The following TUSC3 variants were observed in gnomAD, a reference collection of about 807,000 sequenced individuals.
TUSC3 encodes the protein dolichyl-diphosphooligosaccharide--protein glycosyltransferase subunit TUSC3.
Under a neutral mutation model 44.8 loss-of-function variants are expected in TUSC3, and 45 were observed. That is an observed-to-expected ratio of 1.00 (90% confidence interval 0.79 to 1.29). The LOEUF is 1.29. Among genes scored for constraint, TUSC3 ranks in the 50% most tolerant of loss-of-function variants. The probability of loss-of-function intolerance (pLI) is 0.00; values close to 1 mark genes in which losing one functional copy is unlikely to be tolerated. For missense variants in TUSC3, 519 were observed against 437.9 expected (o/e 1.19, Z -1.65); for synonymous variants, 212 against 152.9 (o/e 1.39, Z -2.85).
At chr8:15,790,687 T>G in the TUSC3 span, among the ~76,000 whole-genome samples, 1 of 152,140 alleles carries the variant, frequency 6.6e-6, no homozygotes, top group East Asian at 1.9e-4. Context: ...CGGTGCAATG[T>G]TTAGTGATAG....
At chr8:15,559,255 T>C (rs1253236002) in intron 1 of TUSC3, among the ~76,000 whole-genome samples, 4 of 141,938 alleles carry the variant, frequency 2.8e-5, no homozygotes, top group East Asian at 2.2e-4. Flanking sequence ...TTCATTTTGT[T>C]ATGTACCCAG....
Position 15,764,329 on chromosome 8 carries a change from T to C in TUSC3, c.*173T>C. The C allele has an allele frequency of 8.3e-7, 1 of 1,204,976 alleles. No homozygotes were observed. Among genetic ancestry groups the C allele is most frequent in the East Asian group, 2.5e-5 (1 of 40,290 alleles). The allele number at this position is 1,204,976 out of a possible 1,614,324, so 74.6% of individuals were successfully genotyped here. ...ATTGTGATCAGCTAGCTTATTCTTG[T>C]GTACTTTTTTTAAACTGTGGGTTTT... On this transcript the variant is annotated 3_prime_UTR_variant, in exon 11 of 11. Transcript: ENST00000503731.
chr8:15,779,388 AAAT>A, the TUSC3 span, among the ~76,000 whole-genome samples: 2 of 152,110 alleles, frequency 1.3e-5, no homozygotes, highest in Admixed American at 6.6e-5. Flanking sequence ...CTTTTATAAA[AAAT>A]AAAAATTATC....
intron 1 of TUSC3, among the ~76,000 whole-genome samples, chr8:15,437,372 C>G (rs561037874): frequency 6.6e-6 from 1 of 152,116 alleles, no homozygotes; most frequent in Non-Finnish European, 1.5e-5. Context: ...TTTATTTTTC[C>G]TAATGTTTCT....
intron 2 of TUSC3, among the ~76,000 whole-genome samples, chr8:15,624,311 C>T (rs1306685659): frequency 1.3e-5 from 2 of 150,978 alleles, no homozygotes; most frequent in African/African-American, 4.9e-5. Context: ...TGTGAACTTA[C>T]CGTTTTTCTG....
chr8:15,457,855 AT>A (rs1346461113), intron 1 of TUSC3, among the ~76,000 whole-genome samples: 1 of 91,450 alleles, frequency 1.1e-5, no homozygotes, highest in Admixed American at 1.3e-4. Context: ...TTATCTAATA[AT>A]TATCTAATAA....
At chr8:15,745,233 A>G (rs1212712584) in intron 8 of TUSC3, among the ~76,000 whole-genome samples, 1 of 151,856 alleles carries the variant, frequency 6.6e-6, no homozygotes, top group Admixed American at 6.6e-5. Context: ...GGTTGATTTC[A>G]TTTTTTTGCT....
chr8:15,544,207 C>G (rs746896548), intron 1 of TUSC3, among the ~76,000 whole-genome samples: 1 of 152,016 alleles, frequency 6.6e-6, no homozygotes, highest in Non-Finnish European at 1.5e-5. Flanking sequence ...ATTTGCCTAT[C>G]TAGTGCATCT....
chr8:15,742,299 G>A (rs578032588), intron 7 of TUSC3, among the ~76,000 whole-genome samples: 1 of 146,964 alleles, frequency 6.8e-6, no homozygotes, highest in Non-Finnish European at 1.5e-5. Context: ...CTTTTTTCTA[G>A]AAAGGGTTCC....
At chr8:15,505,888 A>G (rs1234062809) in intron 2 of TUSC3, among the ~76,000 whole-genome samples, 3 of 152,144 alleles carry the variant, frequency 2.0e-5, no homozygotes, top group Admixed American at 2.0e-4. Context: ...ATCTCTGTAA[A>G]ATCCTAAGGA....
At chr8:15,561,984 G>A (rs1802491192) in intron 1 of TUSC3, among the ~76,000 whole-genome samples, 1 of 152,164 alleles carries the variant, frequency 6.6e-6, no homozygotes. Context: ...CAGGCTGGGA[G>A]CTGTAGACAG....
chr8:15,829,029 C>A, the TUSC3 span, among the ~76,000 whole-genome samples: 5 of 152,138 alleles, frequency 3.3e-5, no homozygotes, highest in South Asian at 1.0e-3. Context: ...CCCACTCATG[C>A]TGTTTTATCT....
intron 6 of TUSC3, among the ~76,000 whole-genome samples, chr8:15,705,701 A>C (rs1809587519): frequency 6.6e-6 from 1 of 151,966 alleles, no homozygotes; most frequent in Admixed American, 6.6e-5. Context: ...TCTCTTCAAT[A>C]TTTAGTGGTC....
chr8:15,761,009 G>A (rs352807), intron 10 of TUSC3, among the ~76,000 whole-genome samples: 133,366 of 152,176 alleles, frequency 0.88, 58,670 homozygotes, highest in East Asian at 0.97. Context: ...TAAAAGAAAT[G>A]TAAGGGCCAT....
chr8:15,612,425 G>A (rs1025659032), intron 1 of TUSC3, among the ~76,000 whole-genome samples: 5 of 152,068 alleles, frequency 3.3e-5, no homozygotes, highest in Non-Finnish European at 5.9e-5. Flanking sequence ...ATGAACCATT[G>A]TATTACGTAT....
intron 10 of TUSC3, among the ~76,000 whole-genome samples, chr8:15,761,375 G>T (rs1812162468): frequency 6.6e-6 from 1 of 152,142 alleles, no homozygotes; most frequent in Admixed American, 6.6e-5. Flanking sequence ...AAAATAAAGT[G>T]ACACAGACTA....
At chr8:15,655,839 T>G (rs1043408153) in intron 3 of TUSC3, among the ~76,000 whole-genome samples, 1 of 152,194 alleles carries the variant, frequency 6.6e-6, no homozygotes, top group African/African-American at 2.4e-5. Flanking sequence ...AATACTGGTG[T>G]GTAGCCTTCC....
chr8:15,478,371 C>T (rs887643350), intron 1 of TUSC3, among the ~76,000 whole-genome samples: 2 of 152,110 alleles, frequency 1.3e-5, no homozygotes, highest in African/African-American at 4.8e-5. Flanking sequence ...CCCATCAGCC[C>T]ATCATCTAGC....
chr8:15,761,867 A>AC (rs1417675394), intron 10 of TUSC3, among the ~76,000 whole-genome samples: 3 of 152,174 alleles, frequency 2.0e-5, no homozygotes, highest in Non-Finnish European at 4.4e-5. Flanking sequence ...GCACTCCTGA[A>AC]CCATAAGTTT....
Sources: gnomAD v4.1 joint callset for allele counts (sites outside exome capture counted in the v4.1 genomes callset) on GRCh38, gnomAD v4.1.1 for gene constraint, MANE v1.5 for transcripts, NCBI Gene and HGNC (gene_info 2026-07-23, HGNC 2026-07-21) for gene names.